SREK1: variants seen among roughly 807,000 people sequenced by gnomAD.
The protein encoded by SREK1 is splicing regulatory glutamic acid and lysine rich protein 1.
A neutral mutation model predicts 66.5 loss-of-function variants in SREK1; 13 were observed. That is an observed-to-expected ratio of 0.20 (90% CI 0.13 to 0.31). The LOEUF (loss-of-function observed/expected upper bound fraction) is 0.31, where lower values mean the gene tolerates loss of function less well. Ranked by LOEUF, SREK1 falls within the 10% of genes least tolerant of loss-of-function variation. The pLI is 1.00. For synonymous variants in SREK1, 265 were observed against 263.5 expected, an observed-to-expected ratio of 1.01 and a Z score of -0.05; for missense variants, 607 against 769.6, an observed-to-expected ratio of 0.79 and a Z score of 2.50.
intron 7 of SREK1, 121 bp from the exon 8 acceptor site, chr5:66,169,930 A>G (rs1745489409): frequency 2.8e-6 from 2 of 703,462 alleles, no homozygotes; most frequent in African/African-American, 1.8e-5. Context: ...TTATGTAACT[A>G]AAGTATTATT....
chr5:66,167,212 G>C (rs1306922243), intron 7 of SREK1: 1 of 152,208 alleles, frequency 6.6e-6, no homozygotes, highest in African/African-American at 2.4e-5. Context: ...GAGAGAGGAA[G>C]GGGTTTCTTG....
chr5:66,150,556 G>GAA, intron 1 of SREK1, among the ~76,000 whole-genome samples: 1 of 152,306 alleles, frequency 6.6e-6, no homozygotes, highest in South Asian at 2.1e-4. Flanking sequence ...TTAGTGTTTA[G>GAA]AAAGATCACT....
In SREK1 at chr5:66,153,551, A is replaced by G; in HGVS notation, c.250A>G (p.Thr84Ala). 6.2e-7 allele frequency: 1 copy of G among 1,614,088 alleles called. No homozygotes were observed. The highest frequency in any genetic ancestry group is 8.5e-7 in the Non-Finnish European group (1 of 1,179,986). Residue 84 changes from threonine to alanine, a missense_variant, in exon 2 of 12, where the codon ACG becomes GCG. Thr to Ala is a moderately conservative substitution (Grantham distance 58, BLOSUM62 0). Around this residue, in one of 5 missense-constraint regions of SREK1, gnomAD observed 99 missense variants for 186.6 expected, o/e 0.53. Coordinates refer to ENST00000334121, the MANE Select transcript of SREK1 (RefSeq NM_001077199.3). ...TGGCGTGGCCCAGCATCTAACTAAC[A>G]CGGTTTTTATTGACAGAGCTCTGAT... is the stretch of plus-strand genomic sequence containing the variant. ...SVGVAQHLTN[T>A]VFIDRALIVV...
rs758298366 is a variant in SREK1 at position 66,170,793 on chromosome 5, G to C, written c.1330G>C (p.Asp444His). The change falls in exon 9 of 12, where the codon GAT (aspartate) becomes CAT (histidine). Residue 444 changes from aspartate to histidine, a missense_variant. Asp to His is a moderately conservative substitution (Grantham distance 81). This residue lies in a region of SREK1 where 318 missense variants were observed against 310.3 expected (regional missense o/e 1.02). Transcript: ENST00000334121. ...EREREKEHEK[D>H]RDKEKEKEQD... is the part of the protein sequence containing the mutation. ...AGAACGGGAAAAAGAGCATGAGAAG[G>C]ATCGAGACAAAGAGAAGGAAAAGGA... 1.2e-6 allele frequency: 2 copies of C among 1,608,894 alleles called. No individual in the cohort carries two copies. Among genetic ancestry groups the C allele is most frequent in the South Asian group, 1.1e-5 (1 of 90,460 alleles).
At chr5:66,158,334 A>G (rs1744465283) in intron 2 of SREK1, 1 of 152,166 alleles carries the variant, frequency 6.6e-6, no homozygotes, top group Admixed American at 6.5e-5. Flanking sequence ...AATGTTTTTA[A>G]GCAAGCTTTA....
intron 1 of SREK1, among the ~76,000 whole-genome samples, chr5:66,148,291 T>A (rs946813461): frequency 1.3e-5 from 2 of 151,924 alleles, no homozygotes; most frequent in Non-Finnish European, 2.9e-5. Flanking sequence ...TTTTGGTAGG[T>A]CCTCTGTCCT....
chr5:66,172,235 T>C (rs1372530694), intron 9 of SREK1, among the ~76,000 whole-genome samples: 1 of 152,220 alleles, frequency 6.6e-6, no homozygotes, highest in Non-Finnish European at 1.5e-5. Context: ...GTTTCTGTGA[T>C]TGTTTAGACA....
Position 66,159,310 on chromosome 5 carries a change from A to G in SREK1, c.387A>G (p.Ile129Met), listed in dbSNP as rs781544396. 6 of 1,612,650 alleles carry G rather than the reference A, an allele frequency of 3.7e-6. 1 individual carries two copies. In the South Asian group the frequency reaches 6.6e-5, roughly 18 times the overall value. The change falls in exon 3 of 12, where the codon ATA becomes ATG. Residue 129 changes from isoleucine to methionine, a missense_variant. Around this residue, in one of 5 missense-constraint regions of SREK1, gnomAD observed 99 missense variants for 186.6 expected, o/e 0.53. Transcript: ENST00000334121. Reference sequence around the variant, plus strand: ...TGCCTGGTGCAGGATTGCTTCCAATACCGACCCCAAATCCTTTGACTACTG... The same window carrying G: ...TGCCTGGTGCAGGATTGCTTCCAATGCCGACCCCAAATCCTTTGACTACTG... ...SLMPGAGLLPIPTPNPLTTLG... is the reference protein window; with the variant it reads ...SLMPGAGLLPMPTPNPLTTLG...
chr5:66,173,288 TTAAA>T (rs1271146622), intron 9 of SREK1, among the ~76,000 whole-genome samples: 1 of 152,220 alleles, frequency 6.6e-6, no homozygotes, highest in African/African-American at 2.4e-5. Flanking sequence ...GAAAATGATA[TTAAA>T]TAATTTTTTA....
intron 1 of SREK1, chr5:66,145,213 A>G (rs995919470): frequency 1.0e-6 from 1 of 967,782 alleles, no homozygotes; most frequent in Non-Finnish European, 1.2e-6. Context: ...TCCCTCCCGT[A>G]TACATTTAAA....
chr5:66,174,672 G>A (rs1745909592), intron 9 of SREK1: 1 of 247,116 alleles, frequency 4.0e-6, no homozygotes, highest in Non-Finnish European at 7.7e-6. Context: ...TGAAGAAATT[G>A]TTCAAATAAA....
In SREK1 at chr5:66,177,539, G is replaced by A; in HGVS notation, c.1606G>A (p.Glu536Lys). Reference sequence around the variant, plus strand: ...CAGAAATAAGAAGGATAAAAAGAGAGAAAAAGAAAGGGACCACATCAGTGA... The same window carrying A: ...CAGAAATAAGAAGGATAAAAAGAGAAAAAAAGAAAGGGACCACATCAGTGA... ...RSRNKKDKKR[E>K]KERDHISERR... Residue 536 changes from glutamate to lysine, a missense_variant, in exon 11 of 12, where the codon GAA (glutamate) becomes AAA (lysine). Physicochemically the swap from Glu to Lys is moderately conservative, Grantham distance 56. This residue lies in a region of SREK1 where 318 missense variants were observed against 310.3 expected (regional missense o/e 1.02). Transcript: ENST00000334121. 2.5e-6 allele frequency: 4 copies of A among 1,598,934 alleles called. No individual in the cohort carries two copies. The highest frequency in any genetic ancestry group is 3.4e-6 in the Non-Finnish European group (4 of 1,173,460).
intron 7 of SREK1, chr5:66,169,521 A>G (rs985705152): frequency 5.3e-5 from 8 of 152,266 alleles, no homozygotes; most frequent in African/African-American, 1.9e-4. Context: ...CTCAACTGGT[A>G]GCTATGATTA....
intron 4 of SREK1, 29 bp downstream of exon 4, chr5:66,162,302 C>T (rs938129112): frequency 6.2e-7 from 1 of 1,612,168 alleles, no homozygotes; most frequent in African/African-American, 1.3e-5. Context: ...AACAAAGCAG[C>T]AGTAGCCCTT....
At chr5:66,148,135 C>G (rs1372979151) in intron 1 of SREK1, among the ~76,000 whole-genome samples, 1 of 151,934 alleles carries the variant, frequency 6.6e-6, no homozygotes, top group Non-Finnish European at 1.5e-5. Context: ...TAAATGTTAG[C>G]AACTTATAAG....
Position 66,148,514 on chromosome 5 carries a change from A to C in SREK1, c.161+3977A>C, listed in dbSNP as rs181852547. ...TTTAATTTTTTTTGAAAAATTGATA[A>C]GATTTTGTATTTTAAAAAACCAAAA... On this transcript the variant is annotated intron_variant, in intron 1 of 11. Transcript: ENST00000334121. 1.6e-3 allele frequency among the ~76,000 whole-genome samples: 241 copies of C among 152,354 alleles called. 2 individuals carry two copies. Among genetic ancestry groups the C allele is most frequent in the Admixed American group, 2.9e-3 (45 of 15,304 alleles).
chr5:66,152,768 G>A (rs1482315655), intron 1 of SREK1, among the ~76,000 whole-genome samples: 2 of 152,152 alleles, frequency 1.3e-5, no homozygotes, highest in Non-Finnish European at 2.9e-5. Flanking sequence ...TATCCATGAG[G>A]ATAGTATATT....
At chr5:66,152,583 A>G (rs551247233) in intron 1 of SREK1, among the ~76,000 whole-genome samples, 1 of 152,292 alleles carries the variant, frequency 6.6e-6, no homozygotes, top group South Asian at 2.1e-4. Flanking sequence ...TAAGTCATAT[A>G]TTTTTCAAGT....
At chr5:66,170,374 A>G (rs1415872495) in intron 8 of SREK1, among the ~76,000 whole-genome samples, 1 of 152,196 alleles carries the variant, frequency 6.6e-6, no homozygotes, top group Non-Finnish European at 1.5e-5. Flanking sequence ...AGTGTGACTC[A>G]TGAGGTTTCC....
Sources: gnomAD v4.1 joint callset for allele counts (sites outside exome capture counted in the v4.1 genomes callset) on GRCh38, gnomAD v4.1.1 for gene constraint, gnomAD v4.1.1 regional missense constraint, MANE v1.5 for transcripts, NCBI Gene and HGNC (gene_info 2026-07-23, HGNC 2026-07-21) for gene names.